The following NECAB2 variants were observed in gnomAD, a reference collection of about 807,000 sequenced individuals.
NECAB2 encodes the protein N-terminal EF-hand calcium binding protein 2.
NECAB2 carries 68 observed loss-of-function variants against 51.9 expected under a neutral mutation model. That is an observed-to-expected ratio of 1.31 (90% CI 1.08 to 1.60). The LOEUF (loss-of-function observed/expected upper bound fraction) is 1.60, where lower values mean the gene tolerates loss of function less well. Among genes scored for constraint, NECAB2 ranks in the 40% most tolerant of loss-of-function variants. The pLI is 0.00. For missense variants in NECAB2, 854 were observed against 490.3 expected (o/e 1.74, Z -7.00); for synonymous variants, 329 against 203.5 (o/e 1.62, Z -5.25).
Position 83,998,457 on chromosome 16 carries a change from G to A in NECAB2, c.962+140G>A, listed in dbSNP as rs1449072652. The A allele has an allele frequency of 9.0e-6, 7 of 781,476 alleles. No individual in the cohort carries two copies. In the Admixed American group the frequency reaches 1.0e-4, roughly 12 times the overall value. The allele number at this position is 781,476 out of a possible 1,614,324, so 48.4% of individuals were successfully genotyped here. On this transcript the variant is annotated intron_variant, in intron 10 of 12. Transcript: ENST00000305202. ...ACACACAGCTGGATGCGTAAGAAGT[G>A]GGTTCAGGTCTCTACTGAGGTTCCT...
In NECAB2 at chr16:84,000,712, C is replaced by T. The variant is rs780059114; in HGVS notation, c.963-12C>T. 3 of 1,613,592 alleles carry T rather than the reference C, an allele frequency of 1.9e-6. No homozygotes were observed. In the African/African-American group the frequency reaches 4.0e-5, roughly 22 times the overall value. On this transcript the variant is annotated splice_polypyrimidine_tract_variant and intron_variant, in intron 10 of 12. Transcript: ENST00000305202. ...GCTCCAGCCTCCTCCCCCCGACCATCTCCTGTTGCAGCATCACTGCCGTGA... is the reference window on the plus strand; with the variant it reads ...GCTCCAGCCTCCTCCCCCCGACCATTTCCTGTTGCAGCATCACTGCCGTGA...
chr16:83,989,268 A>G (rs1015948614), intron 5 of NECAB2, among the ~76,000 whole-genome samples: 1 of 152,078 alleles, frequency 6.6e-6, no homozygotes, highest in South Asian at 2.1e-4. Context: ...AACCTGACAT[A>G]GTTTTGGCCA....
chr16:83,996,102 A>G (rs770543030), intron 8 of NECAB2, among the ~76,000 whole-genome samples: 1 of 152,184 alleles, frequency 6.6e-6, no homozygotes, highest in African/African-American at 2.4e-5. Flanking sequence ...TCACCGGCCA[A>G]CCGGAGCTGC....
chr16:83,991,025 G>A (rs896398204), intron 6 of NECAB2, among the ~76,000 whole-genome samples: 5 of 152,062 alleles, frequency 3.3e-5, no homozygotes, highest in African/African-American at 7.2e-5. Flanking sequence ...TCGCTCTGTC[G>A]CCCAGGAGTG....
At chr16:83,977,227 G>A (rs779977002) in intron 2 of NECAB2, among the ~76,000 whole-genome samples, 39 of 152,178 alleles carry the variant, frequency 2.6e-4, no homozygotes, top group Non-Finnish European at 4.9e-4. Flanking sequence ...GCCAGGAACT[G>A]TCATGGGCTC....
At chr16:84,000,428 T>G (rs552044459) in intron 10 of NECAB2, among the ~76,000 whole-genome samples, 3 of 152,216 alleles carry the variant, frequency 2.0e-5, no homozygotes, top group African/African-American at 7.2e-5. Context: ...CTTGGAAGGC[T>G]GAAGTGATTG....
chr16:84,001,446 C>A (rs2084832999), intron 11 of NECAB2, among the ~76,000 whole-genome samples: 1 of 152,116 alleles, frequency 6.6e-6, no homozygotes, highest in South Asian at 2.1e-4. Context: ...GTGAGAGTGT[C>A]CCCTCCCTGT....
intron 5 of NECAB2, among the ~76,000 whole-genome samples, chr16:83,986,720 A>G (rs535004041): frequency 4.7e-4 from 64 of 137,154 alleles, no homozygotes; most frequent in African/African-American, 1.7e-3. Flanking sequence ...GGGTTTCCCT[A>G]TTTTGCTTAG....
At chr16:83,982,046 T>A (rs1406345216) in intron 5 of NECAB2, among the ~76,000 whole-genome samples, 1 of 152,162 alleles carries the variant, frequency 6.6e-6, no homozygotes, top group Non-Finnish European at 1.5e-5. Context: ...ACCTTATGAA[T>A]TACGAAGTCC....
In NECAB2 at chr16:84,001,871, G is replaced by C. The variant is rs1311467966; in HGVS notation, c.1087G>C (p.Asp363His). The change falls in exon 12 of 13, where the codon GAC becomes CAC. Residue 363 changes from aspartate to histidine, a missense_variant. Physicochemically the swap from Asp to His is moderately conservative, Grantham distance 81. Coordinates refer to ENST00000305202, the MANE Select transcript of NECAB2 (RefSeq NM_019065.3). ...TAAGGCGTTCCGGCACGTCAAGGTG[G>C]ACACACTGAGCCAGCCTGAGGCCCT... The part of the protein sequence containing the change: ...LCKAFRHVKV[D>H]TLSQPEALSR... The C allele has an allele frequency of 6.2e-7, 1 of 1,614,162 alleles. No individual in the cohort carries two copies. The highest frequency in any genetic ancestry group is 8.5e-7 in the Non-Finnish European group (1 of 1,180,002).
At position 84,002,471 on chromosome 16, in the gene NECAB2, G is replaced by C; in HGVS notation, c.*125G>C. On this transcript the variant is annotated 3_prime_UTR_variant, in exon 13 of 13. Transcript: ENST00000305202. ...TTCAATCCATCCTCCACAAGAAGGT[G>C]TTTCCCTGTTGTTAAGTGAAGGAGG... is the stretch of plus-strand genomic sequence containing the variant. The C allele has an allele frequency of 7.5e-7, 1 of 1,326,882 alleles. No individual in the cohort carries two copies. Among genetic ancestry groups the C allele is most frequent in the South Asian group, 1.2e-5 (1 of 84,462 alleles). 82.2% of individuals were successfully genotyped at this position (1,326,882 alleles called of 1,614,324 possible). A position where few individuals can be genotyped will look rare whatever the true frequency, so the allele number is the denominator to read the frequency against.
intron 2 of NECAB2, among the ~76,000 whole-genome samples, chr16:83,974,820 A>T (rs1248766556): frequency 6.6e-6 from 1 of 152,040 alleles, no homozygotes; most frequent in Non-Finnish European, 1.5e-5. Flanking sequence ...TGTAGGGGTG[A>T]GAATAGGTGT....
intron 11 of NECAB2, among the ~76,000 whole-genome samples, chr16:84,001,591 G>A (rs77788564): frequency 0.024 from 3,582 of 152,206 alleles, 90 homozygotes; most frequent in East Asian, 0.1. Flanking sequence ...TGCAATGAGT[G>A]GGGGGATCCC....
intron 10 of NECAB2, among the ~76,000 whole-genome samples, chr16:83,998,709 G>A (rs1597228263): frequency 6.6e-6 from 1 of 152,222 alleles, no homozygotes; most frequent in Non-Finnish European, 1.5e-5. Context: ...CTTAAGTCCA[G>A]GCCCAGAATG....
chr16:83,981,217 A>G, intron 5 of NECAB2, 90 bp downstream of exon 5: 3 of 1,213,944 alleles, frequency 2.5e-6, no homozygotes, highest in Admixed American at 1.9e-5. Flanking sequence ...TTTTGAAGAC[A>G]GGCCGCCAGG....
intron 5 of NECAB2, among the ~76,000 whole-genome samples, chr16:83,981,581 C>T (rs1448617868): frequency 6.6e-6 from 1 of 152,120 alleles, no homozygotes; most frequent in African/African-American, 2.4e-5. Flanking sequence ...TGGGTGGTTG[C>T]TGTCACCTCC....
At chr16:83,995,804 T>G (rs1487374203) in intron 8 of NECAB2, among the ~76,000 whole-genome samples, 4 of 152,186 alleles carry the variant, frequency 2.6e-5, no homozygotes, top group Non-Finnish European at 5.9e-5. Context: ...CTTCCCCTCC[T>G]GCAGGGATGA....
At chr16:83,979,225 C>T (rs936826875) in intron 3 of NECAB2, among the ~76,000 whole-genome samples, 8 of 152,210 alleles carry the variant, frequency 5.3e-5, no homozygotes, top group African/African-American at 1.9e-4. Context: ...TCAACCCCAC[C>T]TTCAGGAGGG....
At position 84,002,358 on chromosome 16, in the gene NECAB2, A is replaced by T; in HGVS notation, c.*12A>T. ...TGGGACGGGACTGACAGCCTCCCAG[A>T]GGCCCGTGGAGGAGCCCACCAGCCC... On this transcript the variant is annotated 3_prime_UTR_variant, in exon 13 of 13. Coordinates refer to ENST00000305202, the MANE Select transcript of NECAB2 (RefSeq NM_019065.3). 1 of 1,613,710 alleles carries T rather than the reference A, an allele frequency of 6.2e-7. No individual in the cohort carries two copies. The highest frequency in any genetic ancestry group is 8.5e-7 in the Non-Finnish European group (1 of 1,179,768).
Sources: gnomAD v4.1 joint callset for allele counts (sites outside exome capture counted in the v4.1 genomes callset) on GRCh38, gnomAD v4.1.1 for gene constraint, MANE v1.5 for transcripts, NCBI Gene and HGNC (gene_info 2026-07-23, HGNC 2026-07-21) for gene names.